Variants in TBC1D22A observed in about 807,000 individuals in gnomAD.
TBC1D22A encodes putative GTPase activator.
TBC1D22A carries 38 observed loss-of-function variants against 60.2 expected under a neutral mutation model. The observed-to-expected ratio is 0.63, with a 90% confidence interval of 0.49 to 0.83. The LOEUF is 0.83. Ranked by LOEUF, TBC1D22A falls within the 40% of genes least tolerant of loss-of-function variation. The pLI, the probability that TBC1D22A is intolerant of heterozygous loss-of-function variation, is 0.00. For synonymous variants in TBC1D22A, 302 were observed against 281.7 expected (o/e 1.07, Z -0.72); for missense variants, 628 against 701.0 (o/e 0.90, Z 1.18).
chr22:47,076,361 G>GTGTATATATATATA (rs1392245000), intron 11 of TBC1D22A, among the ~76,000 whole-genome samples: 191 of 101,678 alleles, frequency 1.9e-3, no homozygotes, highest in Non-Finnish European at 3.2e-3. Flanking sequence ...ATATGTGTGT[G>GTGTATATATATATA]TATATATATA....
At position 46,908,263 on chromosome 22, in the gene TBC1D22A, C is replaced by T. The variant is rs534117168; in HGVS notation, c.901-3811C>T. The stretch of plus-strand genomic sequence containing the variant: ...AGTCGGGGGAAGGGGCTGGATGCCA[C>T]ACGCATCTGGGGTGTGCTATAGTGG... On this transcript the variant is annotated intron_variant, in intron 7 of 12. Transcript: ENST00000337137. Among the ~76,000 whole-genome samples, 3 of 152,252 alleles carry T rather than the reference C, an allele frequency of 2.0e-5. No homozygotes were observed. The East Asian group carries it at 5.8e-4, about 29-fold the overall frequency.
chr22:47,002,683 C>G, intron 10 of TBC1D22A, among the ~76,000 whole-genome samples: 1 of 152,154 alleles, frequency 6.6e-6, no homozygotes, highest in Non-Finnish European at 1.5e-5. Flanking sequence ...AAAAGGGAGG[C>G]TCTTGGATTG....
chr22:46,831,361 C>T (rs933863173), intron 4 of TBC1D22A, among the ~76,000 whole-genome samples: 3 of 152,110 alleles, frequency 2.0e-5, no homozygotes, highest in Non-Finnish European at 4.4e-5. Context: ...CCGAGGCCCA[C>T]AGAGGTCAAG....
chr22:46,937,063 C>T lies in TBC1D22A; in HGVS notation c.1015+24875C>T, dbSNP rs976669974. On this transcript the variant is annotated intron_variant, in intron 8 of 12. Coordinates refer to ENST00000337137, the MANE Select transcript of TBC1D22A (RefSeq NM_014346.5). ...AGGAGGGCCGCAGGGATTTGCATTC[C>T]GGCACAGGTATGCTCTGCGCTTTGC... 5.3e-5 allele frequency among the ~76,000 whole-genome samples: 8 copies of T among 152,108 alleles called. No homozygotes were observed. In the East Asian group the frequency reaches 5.8e-4, roughly 11 times the overall value.
intron 8 of TBC1D22A, chr22:46,913,800 C>T: frequency 1.0e-6 from 1 of 979,602 alleles, no homozygotes; most frequent in African/African-American, 1.7e-5. Context: ...TACTTTACCG[C>T]CAACTTCTGT....
chr22:46,908,097 A>G (rs1377508003), intron 7 of TBC1D22A, among the ~76,000 whole-genome samples: 2 of 152,298 alleles, frequency 1.3e-5, no homozygotes, highest in East Asian at 3.9e-4. Context: ...CGGGGGCCGG[A>G]TGGTGTGACC....
Position 46,974,319 on chromosome 22 carries a change from T to G in TBC1D22A, c.1045T>G (p.Ser349Ala). Residue 349 changes from serine to alanine, a missense_variant, in exon 9 of 13, where the codon TCC (serine) becomes GCC (alanine). Coordinates refer to ENST00000337137, the MANE Select transcript of TBC1D22A (RefSeq NM_014346.5). ...EAEEVDTVDV[S>A]GVPAEVLCNI... Reference sequence around the variant, plus strand: ...AGAGGAGGTGGACACGGTGGACGTCTCCGGCGTGCCCGCAGAGGTGCTGTG... The same window carrying G: ...AGAGGAGGTGGACACGGTGGACGTCGCCGGCGTGCCCGCAGAGGTGCTGTG... 6.2e-7 allele frequency: 1 copy of G among 1,603,766 alleles called. No homozygotes were observed. The highest frequency in any genetic ancestry group is 1.3e-5 in the African/African-American group (1 of 74,880).
chr22:46,838,281 AAAG>A (rs1409522921), intron 4 of TBC1D22A, among the ~76,000 whole-genome samples: 3 of 152,342 alleles, frequency 2.0e-5, no homozygotes, highest in South Asian at 2.1e-4. Context: ...GACTAAGAAA[AAAG>A]AAGACTCAAA....
At chr22:46,788,155 C>A (rs1390291700) in intron 1 of TBC1D22A, among the ~76,000 whole-genome samples, 1 of 152,014 alleles carries the variant, frequency 6.6e-6, no homozygotes, top group African/African-American at 2.4e-5. Flanking sequence ...CCAGGACGGT[C>A]TCGATCTCCA....
At chr22:46,903,710 G>A (rs564755399) in intron 7 of TBC1D22A, among the ~76,000 whole-genome samples, 20 of 152,296 alleles carry the variant, frequency 1.3e-4, no homozygotes, top group Non-Finnish European at 2.2e-4. Flanking sequence ...ATTTCCTCTC[G>A]GCTGGGCCGC....
At chr22:46,812,498 C>T (rs2085421891) in intron 4 of TBC1D22A, among the ~76,000 whole-genome samples, 1 of 152,206 alleles carries the variant, frequency 6.6e-6, no homozygotes, top group Non-Finnish European at 1.5e-5. Context: ...ACACTGTGGG[C>T]TGCCTGGCCT....
intron 12 of TBC1D22A, among the ~76,000 whole-genome samples, chr22:47,120,699 G>A (rs372419325): frequency 1.5e-4 from 23 of 152,348 alleles, no homozygotes; most frequent in African/African-American, 5.5e-4. Flanking sequence ...GCCCTTGTAG[G>A]TTCATGCTTG....
chr22:47,049,383 C>T (rs367827801), intron 11 of TBC1D22A, among the ~76,000 whole-genome samples: 3 of 152,240 alleles, frequency 2.0e-5, no homozygotes, highest in Non-Finnish European at 2.9e-5. Context: ...CCCTGGGCAG[C>T]GGGACCTTTG....
chr22:47,049,852 T>G (rs2063151652), intron 11 of TBC1D22A, among the ~76,000 whole-genome samples: 1 of 152,196 alleles, frequency 6.6e-6, no homozygotes, highest in Non-Finnish European at 1.5e-5. Context: ...TAAAGCTTTT[T>G]CTGTATTTAG....
intron 11 of TBC1D22A, among the ~76,000 whole-genome samples, chr22:47,088,906 A>ATC (rs2147603952): frequency 6.6e-6 from 1 of 152,298 alleles, no homozygotes; most frequent in Admixed American, 6.5e-5. Flanking sequence ...CACAGATCCC[A>ATC]TCTGCATAGG....
At chr22:47,031,032 T>C (rs1010128931) in intron 10 of TBC1D22A, among the ~76,000 whole-genome samples, 28 of 152,244 alleles carry the variant, frequency 1.8e-4, no homozygotes, top group African/African-American at 6.8e-4. Context: ...GCCTTCTGGA[T>C]GGATGTCCCA....
intron 4 of TBC1D22A, among the ~76,000 whole-genome samples, chr22:46,808,467 C>A (rs182489021): frequency 1.8e-4 from 27 of 152,258 alleles, no homozygotes; most frequent in Admixed American, 1.6e-3. Context: ...GGAAGTTACA[C>A]CTTAAATCAG....
At position 47,037,056 on chromosome 22, in the gene TBC1D22A, G is replaced by A; in HGVS notation, c.1202-15G>A. On this transcript the variant is annotated splice_polypyrimidine_tract_variant and intron_variant, in intron 10 of 12. Coordinates refer to ENST00000337137, the MANE Select transcript of TBC1D22A (RefSeq NM_014346.5). ...CTCCCCTGACAGCCTTGGGGCCTGTGTTTGTTTTGTGCAGAGCAAGTGCAC... is the reference window on the plus strand; with the variant it reads ...CTCCCCTGACAGCCTTGGGGCCTGTATTTGTTTTGTGCAGAGCAAGTGCAC... 1.2e-6 allele frequency: 2 copies of A among 1,613,136 alleles called. No homozygotes were observed. Among genetic ancestry groups the A allele is most frequent in the Non-Finnish European group, 1.7e-6 (2 of 1,179,436 alleles).
chr22:47,157,246 C>T (rs565545820), intron 12 of TBC1D22A, among the ~76,000 whole-genome samples: 1 of 152,354 alleles, frequency 6.6e-6, no homozygotes, highest in Non-Finnish European at 1.5e-5. Context: ...GCTCCTCCCA[C>T]CTGGAGAGAG....
Sources: allele counts gnomAD v4.1 joint callset (sites outside exome capture counted in the v4.1 genomes callset), GRCh38; gene constraint gnomAD v4.1.1; transcripts MANE v1.5; gene names NCBI Gene and HGNC (gene_info 2026-07-23, HGNC 2026-07-21).